ZNF469: variants seen among roughly 807,000 people sequenced by gnomAD.
ZNF469 encodes zinc finger protein 469.
A neutral mutation model predicts 1.0 loss-of-function variants in ZNF469; 1 was observed. The ratio of observed to expected loss-of-function variants is 1.00; its 90% CI spans 0.35 to 4.73. The LOEUF (loss-of-function observed/expected upper bound fraction) is 4.73, where lower values mean the gene tolerates loss of function less well. Ranked by LOEUF, ZNF469 falls within the 30% of genes most tolerant of loss-of-function variation. The pLI is 0.16. For synonymous variants in ZNF469, 2,703 were observed against 2,363.4 expected (o/e 1.14, Z -4.17); for missense variants, 6,100 against 5,356.3 (o/e 1.14, Z -4.33).
At chr16:88,210,936 T>G in the ZNF469 span, among the ~76,000 whole-genome samples, 1 of 152,250 alleles carries the variant, frequency 6.6e-6, no homozygotes, top group Non-Finnish European at 1.5e-5. Context: ...TTAGCATCAT[T>G]GTAAAAAGCT....
At chr16:88,222,001 C>T in the ZNF469 span, among the ~76,000 whole-genome samples, 2 of 152,106 alleles carry the variant, frequency 1.3e-5, no homozygotes, top group Non-Finnish European at 2.9e-5. Flanking sequence ...CTCTCACAGT[C>T]TCTGGGCCGT....
At chr16:88,371,960 TCATCACCATCACCACCATCATCAC>T in the ZNF469 span, among the ~76,000 whole-genome samples, 17 of 122,894 alleles carry the variant, frequency 1.4e-4, no homozygotes, top group East Asian at 2.5e-4. Flanking sequence ...ATCACCACCA[TCATCACCATCACCACCATCATCAC>T]CATCACCATC....
the ZNF469 span, among the ~76,000 whole-genome samples, chr16:88,118,197 C>T: frequency 2.6e-5 from 4 of 152,366 alleles, no homozygotes; most frequent in South Asian, 8.3e-4. Context: ...CCCGTCTCAG[C>T]CTCCCAAAGT....
the ZNF469 span, among the ~76,000 whole-genome samples, chr16:88,165,479 C>T: frequency 2.0e-5 from 3 of 152,170 alleles, no homozygotes; most frequent in African/African-American, 7.2e-5. Context: ...GAATGCAGGG[C>T]TCTGCTGTCT....
chr16:88,103,453 G>C, the ZNF469 span, among the ~76,000 whole-genome samples: 2 of 152,224 alleles, frequency 1.3e-5, no homozygotes, highest in Non-Finnish European at 1.5e-5. Flanking sequence ...CCAGCCACCC[G>C]CCCTCGGGAC....
At chr16:88,163,439 G>A in the ZNF469 span, among the ~76,000 whole-genome samples, 1 of 151,870 alleles carries the variant, frequency 6.6e-6, no homozygotes, top group Non-Finnish European at 1.5e-5. Flanking sequence ...TGTGTGGATG[G>A]GTAGATGGAG....
At chr16:88,316,402 T>C in the ZNF469 span, among the ~76,000 whole-genome samples, 1 of 152,148 alleles carries the variant, frequency 6.6e-6, no homozygotes, top group African/African-American at 2.4e-5. Flanking sequence ...CCCACTTCTC[T>C]GCCCTGGGAG....
the ZNF469 span, among the ~76,000 whole-genome samples, chr16:88,331,045 CCAT>C: frequency 2.1e-5 from 2 of 96,618 alleles, no homozygotes; most frequent in African/African-American, 4.1e-5. Context: ...ACCATCATCA[CCAT>C]CATCACCATC....
chr16:88,363,457 A>T, the ZNF469 span, among the ~76,000 whole-genome samples: 46 of 152,322 alleles, frequency 3.0e-4, no homozygotes, highest in African/African-American at 1.0e-3. Context: ...TCAAATCTTG[A>T]TTCCAATTAT....
At chr16:88,349,759 AG>A in the ZNF469 span, among the ~76,000 whole-genome samples, 1 of 11,658 alleles carries the variant, frequency 8.6e-5, no homozygotes, top group South Asian at 2.7e-3. Context: ...ACACATGCCC[AG>A]CACAATACAC....
At chr16:88,138,842 T>C in the ZNF469 span, among the ~76,000 whole-genome samples, 2 of 152,254 alleles carry the variant, frequency 1.3e-5, no homozygotes, top group Admixed American at 6.5e-5. Context: ...CTTTTCTATG[T>C]TGTATCTGAG....
chr16:88,362,605 G>A, the ZNF469 span, among the ~76,000 whole-genome samples: 3 of 152,106 alleles, frequency 2.0e-5, no homozygotes, highest in Non-Finnish European at 2.9e-5. Flanking sequence ...TTTTAATGAG[G>A]ATTTCGTGGT....
the ZNF469 span, among the ~76,000 whole-genome samples, chr16:88,183,346 C>T: frequency 3.9e-5 from 6 of 152,218 alleles, no homozygotes; most frequent in African/African-American, 1.2e-4. Context: ...CAAACCTGCA[C>T]GCAAATGTCT....
the ZNF469 span, among the ~76,000 whole-genome samples, chr16:88,109,255 C>A: frequency 6.6e-6 from 1 of 152,200 alleles, no homozygotes; most frequent in African/African-American, 2.4e-5. Context: ...AACAGTGAGA[C>A]CTCAACAGTG....
the ZNF469 span, among the ~76,000 whole-genome samples, chr16:88,290,684 A>G: frequency 1.3e-5 from 2 of 152,196 alleles, no homozygotes; most frequent in African/African-American, 4.8e-5. Flanking sequence ...CCCAACCTCA[A>G]CTACAGCAGA....
At chr16:88,327,603 G>A in the ZNF469 span, among the ~76,000 whole-genome samples, 3 of 152,256 alleles carry the variant, frequency 2.0e-5, no homozygotes, top group South Asian at 2.1e-4. Context: ...AGCAGGACAG[G>A]GCACGTGCTC....
At chr16:88,296,649 T>G in the ZNF469 span, among the ~76,000 whole-genome samples, 2 of 150,744 alleles carry the variant, frequency 1.3e-5, no homozygotes, top group Non-Finnish European at 3.0e-5. Flanking sequence ...CATACACACA[T>G]GCACAGACAT....
chr16:88,170,976 G>A, the ZNF469 span, among the ~76,000 whole-genome samples: 1 of 152,172 alleles, frequency 6.6e-6, no homozygotes, highest in Non-Finnish European at 1.5e-5. This position sits in a 1 kb window ranked among gnomAD's most constrained non-coding sequence, Gnocchi z 4.2. Context: ...GGCACAGGAG[G>A]GGAAGTGCAT....
chr16:88,292,024 C>T, the ZNF469 span, among the ~76,000 whole-genome samples: 3 of 152,084 alleles, frequency 2.0e-5, no homozygotes, highest in Admixed American at 1.3e-4. Flanking sequence ...TTTTGGGGAC[C>T]GAGGCTTTGG....
Sources: allele counts gnomAD v4.1 joint callset (sites outside exome capture counted in the v4.1 genomes callset), GRCh38; gene constraint gnomAD v4.1.1; non-coding constraint Gnocchi (gnomAD v3.1); transcripts MANE v1.5; gene names NCBI Gene and HGNC (gene_info 2026-07-23, HGNC 2026-07-21).